Variants in SLC19A1 observed in about 807,000 individuals in gnomAD.
SLC19A1 encodes reduced folate transporter.
Under a neutral mutation model 35.3 loss-of-function variants are expected in SLC19A1, and 37 were observed. The ratio of observed to expected loss-of-function variants is 1.05; its 90% CI spans 0.81 to 1.38. SLC19A1 has a LOEUF of 1.38. SLC19A1 is among the 40% of genes most tolerant of loss of function. The pLI, the probability that SLC19A1 is intolerant of heterozygous loss-of-function variation, is 0.00. For synonymous variants in SLC19A1, 460 were observed against 398.5 expected (o/e 1.15, Z -1.84); for missense variants, 831 against 826.9 (o/e 1.00, Z -0.06).
chr21:45,516,158 G>T lies in SLC19A1; in HGVS notation c.1294-18C>A. 1.3e-6 allele frequency: 2 copies of T among 1,593,890 alleles called. No individual in the cohort carries two copies. The highest frequency in any genetic ancestry group is 1.7e-6 in the Non-Finnish European group (2 of 1,167,376). On this transcript the variant is annotated intron_variant, in intron 5 of 5. Transcript: ENST00000311124. ...AACTGGAACTGGAAAGAGAGGCCGGGTGAGGCGGGTGGGGAGGGCCTGGCT... is the reference window on the plus strand; with the variant it reads ...AACTGGAACTGGAAAGAGAGGCCGGTTGAGGCGGGTGGGGAGGGCCTGGCT...
rs1277258187 is a variant in SLC19A1, at chr21:45,531,555, G to C, written c.783C>G (p.Ser261Arg). Residue 261 changes from serine (S) to arginine (R), a missense_variant, in exon 3 of 6, where the codon AGC becomes AGG. Physicochemically the swap from Ser to Arg is moderately radical, Grantham distance 110. Coordinates refer to ENST00000311124, the MANE Select transcript of SLC19A1 (RefSeq NM_194255.4). ...LARMLRELGD[S>R]LRRPQLRLWS... ...ACAGGCGCAGCTGCGGCCGCCGCAG[G>C]CTGTCCCCCAGCTCCCGCAGCATCC... 1 of 1,612,326 alleles carries C rather than the reference G, an allele frequency of 6.2e-7. No homozygotes were observed. Among genetic ancestry groups the C allele is most frequent in the African/African-American group, 1.3e-5 (1 of 74,886 alleles).
intron 1 of SLC19A1, among the ~76,000 whole-genome samples, chr21:45,558,336 G>A (rs2078583405): frequency 6.6e-6 from 1 of 152,254 alleles, no homozygotes; most frequent in South Asian, 2.1e-4. Context: ...GCCCCAGGGT[G>A]TGGGCCTGCA....
At chr21:45,552,625 C>T (rs1225907162) in intron 1 of SLC19A1, among the ~76,000 whole-genome samples, 1 of 152,086 alleles carries the variant, frequency 6.6e-6, no homozygotes, top group Admixed American at 6.5e-5. Flanking sequence ...TCGCCCAGAA[C>T]AGGGCACCCG....
downstream of SLC19A1, chr21:45,507,635 A>C: frequency 6.3e-7 from 1 of 1,588,518 alleles, no homozygotes; most frequent in South Asian, 1.1e-5. Context: ...GGTGGTCAGG[A>C]CATGAGGGGG....
At chr21:45,504,134 C>A (rs1045853425) in intron 3 of SLC19A1, 3 of 1,504,364 alleles carry the variant, frequency 2.0e-6, no homozygotes, top group Non-Finnish European at 2.8e-6. Context: ...TTTCTCGCCC[C>A]ATCCGGCCCA....
chr21:45,555,585 G>C (rs1164989853), intron 1 of SLC19A1, among the ~76,000 whole-genome samples: 2 of 150,826 alleles, frequency 1.3e-5, no homozygotes, highest in Non-Finnish European at 3.0e-5. Flanking sequence ...GGCCCCGCGC[G>C]GGGGCTAAGG....
At chr21:45,562,722 C>T (rs1236156530) in intron 1 of SLC19A1, among the ~76,000 whole-genome samples, 1 of 152,208 alleles carries the variant, frequency 6.6e-6, no homozygotes, top group Non-Finnish European at 1.5e-5. Flanking sequence ...GAGTCCCAGA[C>T]AGAAAGGAGC....
intron 1 of SLC19A1, 42 bp from the exon 2 acceptor site, chr21:45,538,050 TGCA>T: frequency 8.4e-7 from 1 of 1,187,264 alleles, no homozygotes; most frequent in Non-Finnish European, 1.1e-6. Flanking sequence ...GAAGATGGTC[TGCA>T]GGCCTCCCTA....
intron 5 of SLC19A1, among the ~76,000 whole-genome samples, chr21:45,523,863 G>A (rs537847759): frequency 1.4e-4 from 22 of 152,308 alleles, no homozygotes; most frequent in Non-Finnish European, 2.8e-4. Context: ...GAATGGGGAG[G>A]ACCTCCTCCC....
downstream of SLC19A1, among the ~76,000 whole-genome samples, chr21:45,507,757 A>C (rs2037310191): frequency 6.6e-6 from 1 of 151,904 alleles, no homozygotes; most frequent in South Asian, 2.1e-4. Context: ...ACACCCCACT[A>C]CCTCTGTCTC....
At chr21:45,548,726 A>T (rs1271796225), upstream of SLC19A1, among the ~76,000 whole-genome samples, 2 of 152,178 alleles carry the variant, frequency 1.3e-5, no homozygotes, top group Admixed American at 1.3e-4. Context: ...CCTGGGCGAC[A>T]GAGTAAGACT....
intron 5 of SLC19A1, among the ~76,000 whole-genome samples, chr21:45,521,306 G>A (rs947315536): frequency 1.9e-4 from 29 of 152,234 alleles, no homozygotes; most frequent in African/African-American, 7.0e-4. Context: ...TTAAGAAAAA[G>A]CATAAACTAA....
rs2077999308 is a variant in SLC19A1 at position 45,533,352 on chromosome 21, T to C, written c.190-1204A>G. 6.6e-6 allele frequency among the ~76,000 whole-genome samples: 1 copy of C among 152,116 alleles called. No individual in the cohort carries two copies. Among genetic ancestry groups the C allele is most frequent in the Non-Finnish European group, 1.5e-5 (1 of 67,976 alleles). ...GTCAGAGGACACTGCCCCAGACTAC[T>C]ACAGGCAGGCACCAAACGTCCTCAG... On this transcript the variant is annotated intron_variant, in intron 2 of 5. Coordinates refer to ENST00000311124, the MANE Select transcript of SLC19A1 (RefSeq NM_194255.4). The surrounding 1 kb of genome is among the most constrained non-coding windows in gnomAD (Gnocchi z 4.5).
At position 45,517,267 on chromosome 21, in the gene SLC19A1, G is replaced by C. The variant is rs1308036741; in HGVS notation, c.1294-1127C>G. 2.0e-5 allele frequency among the ~76,000 whole-genome samples: 3 copies of C among 152,154 alleles called. No homozygotes were observed. Among genetic ancestry groups the C allele is most frequent in the Non-Finnish European group, 4.4e-5 (3 of 68,008 alleles). On this transcript the variant is annotated intron_variant, in intron 5 of 5. Coordinates refer to ENST00000311124, the MANE Select transcript of SLC19A1 (RefSeq NM_194255.4). This position sits in a 1 kb window ranked among gnomAD's most constrained non-coding sequence, Gnocchi z 4.4. ...CTCTCTGGCCTAAGACCCAGGGAAG[G>C]GTCAGCCCAACATGAGGAAAGACCT...
chr21:45,510,097 G>A, downstream of SLC19A1: 1 of 1,588,822 alleles, frequency 6.3e-7, no homozygotes, highest in Non-Finnish European at 8.5e-7. Flanking sequence ...CCCCCTGTCA[G>A]GCGGCATGCG....
intron 1 of SLC19A1, among the ~76,000 whole-genome samples, chr21:45,561,721 A>G (rs894323033): frequency 6.6e-6 from 1 of 151,990 alleles, no homozygotes; most frequent in Non-Finnish European, 1.5e-5. Context: ...AGATCATGAC[A>G]CTGCACTCCA....
At chr21:45,520,953 G>A (rs1196106456) in intron 5 of SLC19A1, among the ~76,000 whole-genome samples, 2 of 151,824 alleles carry the variant, frequency 1.3e-5, no homozygotes, top group East Asian at 3.9e-4. Context: ...CCAGGAGGAG[G>A]AGGTTGCGGT....
At chr21:45,518,882 C>A (rs1427165162) in intron 5 of SLC19A1, among the ~76,000 whole-genome samples, 1 of 152,056 alleles carries the variant, frequency 6.6e-6, no homozygotes, top group African/African-American at 2.4e-5. Context: ...AAAACAAGTT[C>A]TCTAAACAGA....
At position 45,530,814 on chromosome 21, in the gene SLC19A1, GA is replaced by G; in HGVS notation, c.1106del (p.Phe369SerfsTer72). ...ACTGGTAGGAGCCGCGGAACAGCACGAAGGCCGCATAGCACAGCCAGATGCT... is the reference window on the plus strand; with the variant it reads ...ACTGGTAGGAGCCGCGGAACAGCACGAGGCCGCATAGCACAGCCAGATGCT... ...PSSIWLCYAAFVLFRGSYQFL... is the reference protein window; with the variant it reads ...PSSIWLCYAAXVLFRGSYQFL... On this transcript the variant is annotated frameshift_variant, in exon 4 of 6. Coordinates refer to ENST00000311124, the MANE Select transcript of SLC19A1 (RefSeq NM_194255.4). LOFTEE classifies it high-confidence loss of function. The surrounding 1 kb of genome is among the most constrained non-coding windows in gnomAD (Gnocchi z 5.3). The G allele has an allele frequency of 6.4e-7, 1 of 1,564,520 alleles. No homozygotes were observed. The highest frequency in any genetic ancestry group is 8.7e-7 in the Non-Finnish European group (1 of 1,155,644).
Sources: gnomAD v4.1 joint callset for allele counts (sites outside exome capture counted in the v4.1 genomes callset) on GRCh38, gnomAD v4.1.1 for gene constraint, Gnocchi (gnomAD v3.1) non-coding constraint, MANE v1.5 for transcripts, NCBI Gene and HGNC (gene_info 2026-07-23, HGNC 2026-07-21) for gene names.